Variants in ZNF331 observed in about 807,000 individuals in gnomAD.
ZNF331 encodes zinc finger protein 331.
In ZNF331, 2 loss-of-function variants were observed where a neutral mutation model predicts 7.0. The observed-to-expected ratio is 0.29, with a 90% CI of 0.12 to 0.90. ZNF331 has a LOEUF of 0.90. ZNF331 is among the 40% of genes least tolerant of loss of function. ZNF331 has a pLI of 0.58. For missense variants in ZNF331, 432 were observed against 587.7 expected (o/e 0.74, Z 2.74); for synonymous variants, 196 against 205.4 (o/e 0.95, Z 0.39).
upstream of ZNF331, among the ~76,000 whole-genome samples, chr19:53,518,200 C>G (rs191275353): frequency 2.6e-3 from 398 of 152,326 alleles, 2 homozygotes; most frequent in Non-Finnish European, 4.2e-3. Flanking sequence ...TCATCTTTCT[C>G]CCGTGCTGGA....
rs573071724 is a variant in ZNF331, at chr19:53,576,766, A to G, written c.206A>G (p.Lys69Arg). Residue 69 changes from lysine (K) to arginine (R), a missense_variant, in exon 6 of 6, where the codon AAA (lysine) becomes AGA (arginine). Physicochemically the swap from Lys to Arg is conservative, Grantham distance 26. Transcript: ENST00000449416. ...AACATTCATGAAATAAGGGCTTCCA[A>G]AAGGAATTCAGATAGAAGAAGTAAA... ...EKNIHEIRAS[K>R]RNSDRRSKSL... is the part of the protein sequence containing the mutation. 2.5e-6 allele frequency: 4 copies of G among 1,614,008 alleles called. No individual in the cohort carries two copies. In the African/African-American group the frequency reaches 5.3e-5, roughly 22 times the overall value.
upstream of ZNF331, among the ~76,000 whole-genome samples, chr19:53,534,355 T>C (rs1416105559): frequency 6.6e-6 from 1 of 152,092 alleles, no homozygotes; most frequent in African/African-American, 2.4e-5. Context: ...TGGCACCATC[T>C]CAGCTCACTG....
intron 3 of ZNF331, among the ~76,000 whole-genome samples, chr19:53,567,436 C>G (rs191690070): frequency 9.7e-4 from 148 of 152,214 alleles, no homozygotes; most frequent in Non-Finnish European, 1.4e-3. Flanking sequence ...TCACAATCCC[C>G]CCATCCAGAG....
chr19:53,513,405 T>C, the ZNF331 span, among the ~76,000 whole-genome samples: 2 of 152,180 alleles, frequency 1.3e-5, no homozygotes, highest in Admixed American at 1.3e-4. Flanking sequence ...TTGTTTTGAG[T>C]AAAATTAAAT....
At chr19:53,533,750 CTCT>C (rs1169706098), upstream of ZNF331, among the ~76,000 whole-genome samples, 7 of 152,088 alleles carry the variant, frequency 4.6e-5, no homozygotes, top group African/African-American at 1.4e-4. Context: ...GACTTTCTTT[CTCT>C]TCTTATAGTT....
chr19:53,564,061 C>A (rs1394982446), intron 3 of ZNF331, among the ~76,000 whole-genome samples: 4 of 128,560 alleles, frequency 3.1e-5, no homozygotes, highest in Admixed American at 8.1e-5. Context: ...AAAAAGAGCA[C>A]AGAGCCTGCA....
intron 2 of ZNF331, among the ~76,000 whole-genome samples, chr19:53,546,520 A>C (rs1449347221): frequency 7.0e-6 from 1 of 143,820 alleles, no homozygotes; most frequent in Admixed American, 7.0e-5. Flanking sequence ...CTAAGATCTG[A>C]TGGTATAGAA....
chr19:53,548,276 T>C lies in ZNF331; in HGVS notation c.-137-7569T>C, dbSNP rs1356054651. On this transcript the variant is annotated intron_variant, in intron 2 of 5. Transcript: ENST00000449416. Reference sequence around the variant, plus strand: ...GCGCGTGCCACCACGCCCGGCTAATTTTTTTTTTGTATTTTTAGTAGAGAC... The same window carrying C: ...GCGCGTGCCACCACGCCCGGCTAATCTTTTTTTTGTATTTTTAGTAGAGAC... Among the ~76,000 whole-genome samples the C allele has an allele frequency of 2.0e-5, 3 of 150,834 alleles. No individual in the cohort carries two copies. In the South Asian group the frequency reaches 6.3e-4, roughly 32 times the overall value.
In ZNF331 at chr19:53,542,178, G is replaced by A. The variant is rs150457759; in HGVS notation, c.-138+2896G>A. 6.6e-3 allele frequency among the ~76,000 whole-genome samples: 1,001 copies of A among 152,216 alleles called. 10 individuals carry two copies. The highest frequency in any genetic ancestry group is 0.023 in the African/African-American group (946 of 41,532). ...AAGGAATCCAACCCAGCCATGAGTC[G>A]CATTACACCTGTGTGTGTGTTGGGA... is the stretch of plus-strand genomic sequence containing the variant. On this transcript the variant is annotated intron_variant, in intron 2 of 5. Coordinates refer to ENST00000449416, the MANE Select transcript of ZNF331 (RefSeq NM_001079906.2).
intron 3 of ZNF331, among the ~76,000 whole-genome samples, chr19:53,559,876 TATACACACACATGCC>T (rs933532154): frequency 2.0e-5 from 3 of 150,368 alleles, no homozygotes; most frequent in African/African-American, 7.4e-5. Flanking sequence ...CACACGAGCA[TATACACACACATGCC>T]ATACACACAC....
chr19:53,538,649 T>G lies in ZNF331; in HGVS notation c.-205+353T>G, dbSNP rs2087906975. 1.3e-5 allele frequency: 2 copies of G among 153,220 alleles called. 1 individual carries two copies. Among genetic ancestry groups the G allele is most frequent in the South Asian group, 4.1e-4 (2 of 4,852 alleles). 9.5% of individuals were successfully genotyped at this position (153,220 alleles called of 1,614,324 possible). On this transcript the variant is annotated intron_variant, in intron 1 of 5. Coordinates refer to ENST00000449416, the MANE Select transcript of ZNF331 (RefSeq NM_001079906.2). ...AGATGTGTCTCAGGACAGAGTGAGC[T>G]GTGGTGAGGCTGAGCTGTGCAGACT...
intron 2 of ZNF331, among the ~76,000 whole-genome samples, chr19:53,549,693 CA>C (rs34058079): frequency 0.62 from 86,701 of 140,498 alleles, 26,025 homozygotes; most frequent in East Asian, 0.68. Flanking sequence ...GACTCTGTCT[CA>C]AAAAAAAAAA....
At chr19:53,504,792 C>T in the ZNF331 span, among the ~76,000 whole-genome samples, 1 of 152,126 alleles carries the variant, frequency 6.6e-6, no homozygotes, top group Admixed American at 6.5e-5. Context: ...TTTGGTGATG[C>T]TGGGACAGAT....
Position 53,554,974 on chromosome 19 carries a change from G to T in ZNF331, c.-137-871G>T, listed in dbSNP as rs115854732. 2.2e-3 allele frequency: 346 copies of T among 154,396 alleles called. 1 individual carries two copies. The highest frequency in any genetic ancestry group is 8.0e-3 in the African/African-American group (331 of 41,602). 9.6% of individuals were successfully genotyped at this position (154,396 alleles called of 1,614,324 possible). A position where few individuals can be genotyped will look rare whatever the true frequency, so the allele number is the denominator to read the frequency against. On this transcript the variant is annotated intron_variant, in intron 2 of 5. Transcript: ENST00000449416. ...TGCCTTTGCACTGTGTGGAGTGGCG[G>T]GGCCGGCAGCGTGGCCGTGCTGGGC...
chr19:53,538,075 C>G (rs893602775), upstream of ZNF331: 1 of 152,358 alleles, frequency 6.6e-6, no homozygotes, highest in Non-Finnish European at 1.5e-5. Flanking sequence ...GCTGTCTGCG[C>G]GCTGCGGCCG....
At chr19:53,544,142 G>A (rs912198137) in intron 2 of ZNF331, among the ~76,000 whole-genome samples, 3 of 151,130 alleles carry the variant, frequency 2.0e-5, no homozygotes, top group African/African-American at 4.9e-5. Context: ...CAGGAGAATC[G>A]CTTGAACCCG....
chr19:53,547,667 A>G (rs758990844), intron 2 of ZNF331, among the ~76,000 whole-genome samples: 32 of 152,212 alleles, frequency 2.1e-4, no homozygotes, highest in Non-Finnish European at 4.1e-4. Flanking sequence ...TTTTCCTCAC[A>G]GCCTTGCCAA....
intron 2 of ZNF331, among the ~76,000 whole-genome samples, chr19:53,530,789 T>C (rs1387014840): frequency 6.6e-6 from 1 of 152,204 alleles, no homozygotes; most frequent in Non-Finnish European, 1.5e-5. Context: ...AACCGGGACC[T>C]GATGTGTGAG....
At chr19:53,540,871 C>T (rs899356358) in intron 2 of ZNF331, among the ~76,000 whole-genome samples, 2 of 152,198 alleles carry the variant, frequency 1.3e-5, no homozygotes, top group African/African-American at 4.8e-5. Flanking sequence ...CACTCTGACC[C>T]TACTTCTTTC....
Sources: gnomAD v4.1 joint callset for allele counts (sites outside exome capture counted in the v4.1 genomes callset) on GRCh38, gnomAD v4.1.1 for gene constraint, MANE v1.5 for transcripts, NCBI Gene and HGNC (gene_info 2026-07-23, HGNC 2026-07-21) for gene names.